ITGA9: variants seen among roughly 807,000 people sequenced by gnomAD.
The protein encoded by ITGA9 is integrin subunit alpha 9, also known as integrin alpha-9.
A neutral mutation model predicts 127.8 loss-of-function variants in ITGA9; 56 were observed. The observed-to-expected ratio is 0.44, with a 90% CI of 0.35 to 0.55. The LOEUF is 0.55. ITGA9 is among the 20% of genes least tolerant of loss of function. The pLI, the probability that ITGA9 is intolerant of heterozygous loss-of-function variation, is 0.00. For missense variants in ITGA9, 1,196 were observed against 1,347.1 expected (o/e 0.89, Z 1.76); for synonymous variants, 508 against 514.5 (o/e 0.99, Z 0.17).
intron 16 of ITGA9, among the ~76,000 whole-genome samples, chr3:37,645,088 A>G (rs545187558): frequency 3.3e-5 from 5 of 151,798 alleles, no homozygotes; most frequent in South Asian, 2.1e-4. Flanking sequence ...ATATGAATAC[A>G]AAAAAAAATT....
chr3:37,537,313 G>A lies in ITGA9; in HGVS notation c.1528+3845G>A, dbSNP rs1050055388. Among the ~76,000 whole-genome samples, 9 of 141,228 alleles carry A rather than the reference G, an allele frequency of 6.4e-5. No individual in the cohort carries two copies. In the Admixed American group the frequency reaches 6.7e-4, roughly 11 times the overall value. The allele number at this position is 141,228 out of a possible 152,430, so 92.7% of individuals were successfully genotyped here. A position where few individuals can be genotyped will look rare whatever the true frequency, so the allele number is the denominator to read the frequency against. Reference sequence around the variant, plus strand: ...GATAAGCTGCTAGGAATAGGAAGCAGGGAGGAAGGAGCGAGTTCCTTTGCC... The same window carrying A: ...GATAAGCTGCTAGGAATAGGAAGCAAGGAGGAAGGAGCGAGTTCCTTTGCC... On this transcript the variant is annotated intron_variant, in intron 14 of 27. Coordinates refer to ENST00000264741, the MANE Select transcript of ITGA9 (RefSeq NM_002207.3).
chr3:37,520,262 G>T (rs970007963), intron 11 of ITGA9, among the ~76,000 whole-genome samples: 1 of 152,198 alleles, frequency 6.6e-6, no homozygotes, highest in East Asian at 1.9e-4. Context: ...GCTGAGCTCA[G>T]TGCCTCACCT....
At chr3:37,520,552 T>A (rs775498745) in intron 11 of ITGA9, among the ~76,000 whole-genome samples, 3 of 152,186 alleles carry the variant, frequency 2.0e-5, no homozygotes, top group Non-Finnish European at 4.4e-5. Flanking sequence ...GCTCGGAAAC[T>A]CAGTAGGAAA....
At chr3:37,495,069 G>T (rs1050159220) in intron 5 of ITGA9, among the ~76,000 whole-genome samples, 1 of 152,116 alleles carries the variant, frequency 6.6e-6, no homozygotes, top group African/African-American at 2.4e-5. Context: ...CGCCTCCTGG[G>T]TTCAAGCAAT....
intron 15 of ITGA9, among the ~76,000 whole-genome samples, chr3:37,562,714 C>T (rs912109786): frequency 6.6e-6 from 1 of 152,154 alleles, no homozygotes; most frequent in Non-Finnish European, 1.5e-5. Context: ...GATGTTTATT[C>T]CATAGCTCTC....
intron 15 of ITGA9, among the ~76,000 whole-genome samples, chr3:37,560,858 A>G (rs924679985): frequency 6.6e-6 from 1 of 152,180 alleles, no homozygotes; most frequent in Non-Finnish European, 1.5e-5. Flanking sequence ...ACAGTTCTGG[A>G]GGTTGGAAGT....
In ITGA9 at chr3:37,773,899, G is replaced by T. The variant is rs572978461; in HGVS notation, c.2542-3493G>T. Among the ~76,000 whole-genome samples, 8 of 152,274 alleles carry T rather than the reference G, an allele frequency of 5.3e-5. No homozygotes were observed. In the East Asian group the frequency reaches 1.5e-3, roughly 29 times the overall value. On this transcript the variant is annotated intron_variant, in intron 23 of 27. Coordinates refer to ENST00000264741, the MANE Select transcript of ITGA9 (RefSeq NM_002207.3). ...TGGTTGAATGCTTAAAATTTTATAA[G>T]AATGATATATTAATCTATAATACTC... is the stretch of plus-strand genomic sequence containing the variant.
intron 15 of ITGA9, among the ~76,000 whole-genome samples, chr3:37,600,727 C>A (rs1002639982): frequency 6.6e-6 from 1 of 152,166 alleles, no homozygotes; most frequent in African/African-American, 2.4e-5. Flanking sequence ...CTCATCTCCC[C>A]ACTGGAGCTC....
chr3:37,599,019 G>A (rs534104309), intron 15 of ITGA9, among the ~76,000 whole-genome samples: 1 of 152,236 alleles, frequency 6.6e-6, no homozygotes, highest in Non-Finnish European at 1.5e-5. Flanking sequence ...GAAAGCAAAT[G>A]TGGTGAGAAG....
chr3:37,609,635 C>T (rs1699999104), intron 15 of ITGA9, among the ~76,000 whole-genome samples: 3 of 152,156 alleles, frequency 2.0e-5, no homozygotes, highest in African/African-American at 7.2e-5. Flanking sequence ...TGTAAAACAA[C>T]AGCAATTTTA....
At chr3:37,746,774 A>G (rs1407616253) in intron 22 of ITGA9, among the ~76,000 whole-genome samples, 2 of 152,122 alleles carry the variant, frequency 1.3e-5, no homozygotes, top group African/African-American at 4.8e-5. Context: ...TTGAATCAGG[A>G]GTTGGCAACC....
chr3:37,752,895 C>T (rs1696605959), intron 23 of ITGA9, among the ~76,000 whole-genome samples: 2 of 152,218 alleles, frequency 1.3e-5, no homozygotes, highest in Admixed American at 6.5e-5. Flanking sequence ...CCACTCCAAA[C>T]TCCCAGCCTT....
At chr3:37,662,127 G>A (rs973321669) in intron 17 of ITGA9, among the ~76,000 whole-genome samples, 1 of 152,142 alleles carries the variant, frequency 6.6e-6, no homozygotes, top group African/African-American at 2.4e-5. Context: ...AGGGGGCCAG[G>A]CGCAGTGGCT....
chr3:37,645,313 A>G (rs1036396817), intron 16 of ITGA9, among the ~76,000 whole-genome samples: 2 of 152,216 alleles, frequency 1.3e-5, no homozygotes, highest in Admixed American at 1.3e-4. Flanking sequence ...TCACGCGTGT[A>G]ATCCCAGCAG....
At chr3:37,780,352 C>T (rs1489205620) in intron 25 of ITGA9, among the ~76,000 whole-genome samples, 1 of 152,198 alleles carries the variant, frequency 6.6e-6, no homozygotes, top group Non-Finnish European at 1.5e-5. Flanking sequence ...GTTAATTCCA[C>T]TCTTTATGCC....
At chr3:37,775,568 C>T (rs1375218887) in intron 23 of ITGA9, among the ~76,000 whole-genome samples, 3 of 151,632 alleles carry the variant, frequency 2.0e-5, no homozygotes, top group African/African-American at 7.3e-5. Flanking sequence ...ATGGCTTGAA[C>T]CCAGGAGGCG....
intron 1 of ITGA9, among the ~76,000 whole-genome samples, chr3:37,455,579 A>G (rs1698247052): frequency 6.6e-6 from 1 of 152,210 alleles, no homozygotes; most frequent in Non-Finnish European, 1.5e-5. Context: ...GGTAAAATAT[A>G]GACATGAAAG....
At chr3:37,812,064 T>A (rs1451144486) in intron 27 of ITGA9, among the ~76,000 whole-genome samples, 1 of 152,212 alleles carries the variant, frequency 6.6e-6, no homozygotes, top group Admixed American at 6.5e-5. Context: ...CAAACTGGGC[T>A]GGGAGGGCAT....
At chr3:37,571,590 C>T (rs1374716352) in intron 15 of ITGA9, among the ~76,000 whole-genome samples, 3 of 152,162 alleles carry the variant, frequency 2.0e-5, no homozygotes, top group African/African-American at 4.8e-5. Flanking sequence ...TGCTGGGCCC[C>T]ACCCCAGCGT....
Sources: gnomAD v4.1 joint callset for allele counts (sites outside exome capture counted in the v4.1 genomes callset) on GRCh38, gnomAD v4.1.1 for gene constraint, MANE v1.5 for transcripts, NCBI Gene and HGNC (gene_info 2026-07-23, HGNC 2026-07-21) for gene names.